The following TNRC6C variants were observed in gnomAD, a reference collection of about 807,000 sequenced individuals.
TNRC6C encodes the protein trinucleotide repeat containing adaptor 6C.
Under a neutral mutation model 153.7 loss-of-function variants are expected in TNRC6C, and 20 were observed. That is an observed-to-expected ratio of 0.13 (90% CI 0.09 to 0.19). The LOEUF (loss-of-function observed/expected upper bound fraction) is 0.19, where lower values mean the gene tolerates loss of function less well. Among genes scored for constraint, TNRC6C ranks in the 10% least tolerant of loss-of-function variants. The pLI is 1.00. For missense variants in TNRC6C, 1,987 were observed against 2,172.0 expected, an observed-to-expected ratio of 0.91 and a Z score of 1.69; for synonymous variants, 811 against 841.4, an observed-to-expected ratio of 0.96 and a Z score of 0.63.
At chr17:77,958,944 TGCCACCGCC>T (rs1441581649), upstream of TNRC6C, among the ~76,000 whole-genome samples, 2 of 143,686 alleles carry the variant, frequency 1.4e-5, no homozygotes, top group Admixed American at 6.8e-5. Flanking sequence ...CGTCCGCAGC[TGCCACCGCC>T]GCCGCCGCCG....
chr17:78,077,225 T>C (rs1209573438), exon 9 of TNRC6C: 1 of 1,602,992 alleles, frequency 6.2e-7, no homozygotes, highest in Non-Finnish European at 8.5e-7. Context: ...TCACCGTTCT[T>C]GCCTTCCCCA....
chr17:77,964,106 C>T (rs1296974099), intron 1 of TNRC6C, among the ~76,000 whole-genome samples: 1 of 152,130 alleles, frequency 6.6e-6, no homozygotes, highest in African/African-American at 2.4e-5. Context: ...TCTAATTTGG[C>T]CCAGTTTCCA....
chr17:77,982,559 C>T (rs933702642), intron 1 of TNRC6C, among the ~76,000 whole-genome samples: 6 of 152,174 alleles, frequency 3.9e-5, no homozygotes, highest in South Asian at 2.1e-4. Context: ...AGGCCAGGCG[C>T]GGTGGCTCAT....
exon 20 of TNRC6C, chr17:78,107,505 A>C (rs950061274): frequency 4.6e-5 from 7 of 152,252 alleles, no homozygotes; most frequent in Admixed American, 3.9e-4. Context: ...ATGGATGTCT[A>C]CTTTGCACGC....
In TNRC6C at chr17:77,983,443, T is replaced by C. The variant is rs185958201; in HGVS notation, c.-37-20727T>C. Among the ~76,000 whole-genome samples, 438 of 152,280 alleles carry C rather than the reference T, an allele frequency of 2.9e-3. 4 individuals carry two copies. The highest frequency in any genetic ancestry group is 4.9e-3 in the Non-Finnish European group (334 of 68,014). ...ACAATGGGGGCAGGGAGGAGGATGT[T>C]TGTAACTCAGGATTCTCTAGAGTGT... is the stretch of plus-strand genomic sequence containing the variant. On this transcript the variant is annotated intron_variant, in intron 1 of 22. Coordinates refer to the TNRC6C transcript ENST00000636222.
At position 78,037,228 on chromosome 17, in the gene TNRC6C, C is replaced by T. The variant is rs767602089; in HGVS notation, c.-219+5386C>T. On this transcript the variant is annotated intron_variant, in intron 2 of 19. Coordinates refer to ENST00000301624, the Ensembl canonical transcript of TNRC6C. ...AATGTTCAGGCAGCAGTGCCACACT[C>T]GGCTTGCACAGCTCTGAGAAGGGAA... Among the ~76,000 whole-genome samples, 7 of 152,298 alleles carry T rather than the reference C, an allele frequency of 4.6e-5. No homozygotes were observed. The East Asian group carries it at 5.8e-4, about 13-fold the overall frequency.
intron 1 of TNRC6C, among the ~76,000 whole-genome samples, chr17:78,006,532 T>C (rs1298483585): frequency 7.0e-6 from 1 of 142,186 alleles, no homozygotes; most frequent in Non-Finnish European, 1.5e-5. Context: ...CTTCTTCTTC[T>C]TCTTCTTCTT....
chr17:78,105,677 G>C (rs938568136), exon 20 of TNRC6C: 1 of 152,226 alleles, frequency 6.6e-6, no homozygotes, highest in Non-Finnish European at 1.5e-5. Flanking sequence ...CCTGCACGGC[G>C]TGCAGTTTTC....
chr17:78,034,502 C>T lies in TNRC6C; in HGVS notation c.-219+2660C>T, dbSNP rs56696941. 4.5e-4 allele frequency among the ~76,000 whole-genome samples: 69 copies of T among 152,202 alleles called. 2 individuals are homozygous for T. In the East Asian group the frequency reaches 6.8e-3, roughly 15 times the overall value. ...CTTTACTTCCAGTTCATTGTCCCCC[C>T]GCACCCGTGAGGCTTCCCCAAGCAG... On this transcript the variant is annotated intron_variant, in intron 2 of 19. Coordinates refer to ENST00000301624, the Ensembl canonical transcript of TNRC6C.
intron 1 of TNRC6C, among the ~76,000 whole-genome samples, chr17:77,959,832 C>A (rs1304269464): frequency 6.6e-6 from 1 of 152,048 alleles, no homozygotes; most frequent in South Asian, 2.1e-4. Flanking sequence ...TATCAGATAA[C>A]GTAACCCGAG....
At chr17:78,073,273 C>T (rs954058911) in intron 7 of TNRC6C, among the ~76,000 whole-genome samples, 179 bp downstream of exon 9, 41 of 152,206 alleles carry the variant, frequency 2.7e-4, no homozygotes, top group Non-Finnish European at 1.2e-4. Flanking sequence ...TTGGGATTAG[C>T]GGACTTTGGA....
At chr17:77,958,683 G>A (rs1261523032), upstream of TNRC6C, among the ~76,000 whole-genome samples, 1 of 151,958 alleles carries the variant, frequency 6.6e-6, no homozygotes, top group Non-Finnish European at 1.5e-5. Flanking sequence ...GGCTGAAGCG[G>A]GGGGAGGGGG....
intron 15 of TNRC6C, chr17:78,093,333 C>G: frequency 1.5e-6 from 1 of 684,382 alleles, no homozygotes; most frequent in South Asian, 1.9e-5. Flanking sequence ...ACCCTTAGTT[C>G]AGCATGAGGA....
chr17:77,997,446 CT>C (rs555483288), intron 1 of TNRC6C, among the ~76,000 whole-genome samples: 62 of 152,222 alleles, frequency 4.1e-4, no homozygotes, highest in Non-Finnish European at 7.8e-4. Flanking sequence ...TTCTCCAGAT[CT>C]TTTCCCCCTG....
exon 20 of TNRC6C, chr17:78,105,366 C>G (rs944399950): frequency 1.3e-5 from 2 of 152,874 alleles, no homozygotes; most frequent in Admixed American, 6.5e-5. Context: ...GGGCTGCGAT[C>G]TGCTCTCTGT....
intron 2 of TNRC6C, among the ~76,000 whole-genome samples, chr17:78,033,669 CAAA>C (rs1157937375): frequency 1.1e-4 from 14 of 124,928 alleles, no homozygotes; most frequent in Non-Finnish European, 5.2e-5. Context: ...AACTCCGTTT[CAAA>C]AAAAAAAAGG....
chr17:78,033,901 A>G (rs1429379628), intron 2 of TNRC6C, among the ~76,000 whole-genome samples: 1 of 151,992 alleles, frequency 6.6e-6, no homozygotes, highest in East Asian at 1.9e-4. Flanking sequence ...CATCTTTCTA[A>G]CTCACCACCC....
intron 2 of TNRC6C, among the ~76,000 whole-genome samples, chr17:78,033,042 G>GA (rs2072106099): frequency 6.6e-6 from 1 of 152,182 alleles, no homozygotes; most frequent in Admixed American, 6.5e-5. Flanking sequence ...TGGTCCTTGG[G>GA]AAAATCTTAA....
upstream of TNRC6C, among the ~76,000 whole-genome samples, chr17:78,002,116 T>C (rs1253391162): frequency 6.6e-6 from 1 of 152,178 alleles, no homozygotes; most frequent in Non-Finnish European, 1.5e-5. Flanking sequence ...TGAAAACACT[T>C]TTCAAATCCA....
Sources: allele counts gnomAD v4.1 joint callset (sites outside exome capture counted in the v4.1 genomes callset), GRCh38; gene constraint gnomAD v4.1.1; transcripts MANE v1.5; gene names NCBI Gene and HGNC (gene_info 2026-07-23, HGNC 2026-07-21).